The following SHMT1 variants were observed in gnomAD, a reference collection of about 807,000 sequenced individuals.
SHMT1 encodes serine hydroxymethyltransferase 1.
A neutral mutation model predicts 49.0 loss-of-function variants in SHMT1; 45 were observed. That is an observed-to-expected ratio of 0.92 (90% confidence interval 0.72 to 1.18). SHMT1 has a LOEUF of 1.18. SHMT1 is among the 50% of genes most tolerant of loss of function. SHMT1 has a pLI of 0.00. For synonymous variants in SHMT1, 232 were observed against 246.6 expected, an observed-to-expected ratio of 0.94 and a Z score of 0.55; for missense variants, 541 against 612.4, an observed-to-expected ratio of 0.88 and a Z score of 1.23.
chr17:18,337,087 C>G (rs1237494623), intron 7 of SHMT1, among the ~76,000 whole-genome samples: 1 of 147,760 alleles, frequency 6.8e-6, no homozygotes, highest in Non-Finnish European at 1.5e-5. Context: ...TAACATCTAT[C>G]TAGAGCTTCT....
intron 7 of SHMT1, among the ~76,000 whole-genome samples, chr17:18,338,443 T>G (rs1984092285): frequency 7.9e-6 from 1 of 126,418 alleles, no homozygotes; most frequent in South Asian, 2.7e-4. Flanking sequence ...TTCCAGGAGG[T>G]GGGGGGGCGC....
In SHMT1 at chr17:18,333,239, A is replaced by G; in HGVS notation, c.981T>C (p.Tyr327=). The change falls in exon 9 of 12, where the codon TAT becomes TAC. Residue 327 remains tyrosine (Y), a synonymous_variant. Coordinates refer to ENST00000316694, the MANE Select transcript of SHMT1 (RefSeq NM_004169.5). ...TGCAGTTGGCCACCACCTGGTGTTG[A>G]TAAACTTTAAATTCCAGAGTCATAG... ...KQAMTLEFKV[Y]QHQVVANCRA... is the part of the protein sequence containing the mutation. 1 of 1,613,904 alleles carries G rather than the reference A, an allele frequency of 6.2e-7. No individual in the cohort carries two copies.
In SHMT1 at chr17:18,335,623, C is replaced by G. The variant is rs781407862; in HGVS notation, c.867G>C (p.Glu289Asp). ...KTGKEILYNL[E>D]SLINSAVFPG... Reference sequence around the variant, plus strand: ...GGAACACAGCAGAATTGATAAGAGACTCCAGGTTGTACAGAATCTCTTTGC... The same window carrying G: ...GGAACACAGCAGAATTGATAAGAGAGTCCAGGTTGTACAGAATCTCTTTGC... The change falls in exon 8 of 12, where the codon GAG becomes GAC. Residue 289 changes from glutamate to aspartate, a missense_variant. Transcript: ENST00000316694. 6.2e-7 allele frequency: 1 copy of G among 1,614,150 alleles called. No individual in the cohort carries two copies. The highest frequency in any genetic ancestry group is 1.1e-5 in the South Asian group (1 of 91,082).
intron 8 of SHMT1, among the ~76,000 whole-genome samples, chr17:18,335,006 A>C (rs1983636949): frequency 6.6e-6 from 1 of 152,214 alleles, no homozygotes; most frequent in Admixed American, 6.5e-5. Flanking sequence ...GAGTGCTACC[A>C]ATGTCCTTGT....
intron 7 of SHMT1, 89 bp downstream of exon 7, chr17:18,339,954 T>G (rs1984304485): frequency 7.5e-7 from 1 of 1,331,906 alleles, no homozygotes; most frequent in African/African-American, 1.4e-5. Flanking sequence ...CAGGTCAGAG[T>G]TTTTCCCAGC....
chr17:18,358,581 C>G (rs1038975215), intron 1 of SHMT1, among the ~76,000 whole-genome samples: 1 of 152,076 alleles, frequency 6.6e-6, no homozygotes. Flanking sequence ...AAGTAATCCA[C>G]AGAGTTCCTG....
At chr17:18,351,761 A>G (rs2151597490) in intron 3 of SHMT1, among the ~76,000 whole-genome samples, 1 of 151,934 alleles carries the variant, frequency 6.6e-6, no homozygotes, top group South Asian at 2.1e-4. Flanking sequence ...TGACAGAGCG[A>G]TACTCCGTGT....
At chr17:18,348,655 T>C (rs779433597) in intron 3 of SHMT1, 1 of 674,176 alleles carries the variant, frequency 1.5e-6, no homozygotes, top group Non-Finnish European at 2.8e-6. Flanking sequence ...GCTGTGCAAC[T>C]TGGAGCAAAT....
Position 18,330,541 on chromosome 17 carries a change from AG to A in SHMT1, c.1171+13del. On this transcript the variant is annotated intron_variant, in intron 10 of 11. Transcript: ENST00000316694. ...TGGGAGAGGAGTGAAGGAGAAGGCA[AG>A]GATGATTCTCACCTGGACAGGTGTT... 6.5e-7 allele frequency: 1 copy of A among 1,549,860 alleles called. No individual in the cohort carries two copies. Among genetic ancestry groups the A allele is most frequent in the Non-Finnish European group, 8.9e-7 (1 of 1,121,252 alleles).
At chr17:18,358,288 G>A (rs573455475) in intron 1 of SHMT1, among the ~76,000 whole-genome samples, 30 of 150,648 alleles carry the variant, frequency 2.0e-4, no homozygotes, top group Non-Finnish European at 3.0e-4. Context: ...TCAGGAGATC[G>A]AGACCATCCT....
chr17:18,337,881 T>C (rs547454527), intron 7 of SHMT1, among the ~76,000 whole-genome samples: 1 of 152,170 alleles, frequency 6.6e-6, no homozygotes, highest in African/African-American at 2.4e-5. Flanking sequence ...GTGCTCAATG[T>C]TGCCCAGGCT....
intron 10 of SHMT1, 96 bp from the exon 11 acceptor site, chr17:18,329,484 C>T (rs1210221311): frequency 4.2e-6 from 4 of 941,852 alleles, no homozygotes; most frequent in Non-Finnish European, 6.7e-6. Flanking sequence ...GAGAACTGGC[C>T]TGAGGATACT....
chr17:18,348,987 A>G (rs1335886405), intron 3 of SHMT1, among the ~76,000 whole-genome samples: 1 of 148,998 alleles, frequency 6.7e-6, no homozygotes, highest in African/African-American at 2.5e-5. Context: ...AGAAAAGAAA[A>G]AGAAAAAAAA....
At chr17:18,330,907 A>G in intron 9 of SHMT1, 2 of 540,122 alleles carry the variant, frequency 3.7e-6, no homozygotes, top group Non-Finnish European at 3.4e-6. Flanking sequence ...AGGGCCTGAC[A>G]CTCCCATGGG....
At chr17:18,358,462 T>G (rs1986460237) in intron 1 of SHMT1, among the ~76,000 whole-genome samples, 1 of 151,642 alleles carries the variant, frequency 6.6e-6, no homozygotes, top group Admixed American at 6.6e-5. Flanking sequence ...CACTCCAGGC[T>G]GGCAACAGAG....
chr17:18,350,217 G>A lies in SHMT1; in HGVS notation c.243-1777C>T, dbSNP rs1388284269. 3.9e-5 allele frequency among the ~76,000 whole-genome samples: 6 copies of A among 152,206 alleles called. No individual in the cohort carries two copies. The East Asian group carries it at 1.2e-3, about 29-fold the overall frequency. ...GTGGTGGCGGGCGCCTGTAGTCCCA[G>A]CTACTCGGGAGGCTGAGGCAGGAGA... On this transcript the variant is annotated intron_variant, in intron 3 of 11. Transcript: ENST00000316694.
Position 18,347,529 on chromosome 17 carries a change from G to A in SHMT1, c.486C>T (p.Ala162=). 1.2e-6 allele frequency: 2 copies of A among 1,614,178 alleles called. No individual in the cohort carries two copies. The highest frequency in any genetic ancestry group is 1.7e-6 in the Non-Finnish European group (2 of 1,180,032). The change falls in exon 5 of 12, where the codon GCC becomes GCT. Residue 162 remains alanine (A), a synonymous_variant. Transcript: ENST00000316694. ...GCATAGATTCAAAGAAGATGGACGT[G>A]GCAGAGATTTTCTTCTTGTCTGTCA... ...GFMTDKKKIS[A]TSIFFESMPY... is the part of the protein sequence containing the mutation.
intron 1 of SHMT1, among the ~76,000 whole-genome samples, chr17:18,358,363 G>T (rs377450370): frequency 6.6e-6 from 1 of 151,820 alleles, no homozygotes; most frequent in African/African-American, 2.4e-5. Flanking sequence ...AGTGGCTCAC[G>T]CCTGTAATCC....
chr17:18,333,111 C>G (rs764997855), intron 9 of SHMT1, 55 bp downstream of exon 9: 6 of 1,608,552 alleles, frequency 3.7e-6, no homozygotes, highest in East Asian at 2.2e-5. Context: ...AACTGAGAAG[C>G]AAGCCTTAAT....
Sources: gnomAD v4.1 joint callset for allele counts (sites outside exome capture counted in the v4.1 genomes callset) on GRCh38, gnomAD v4.1.1 for gene constraint, MANE v1.5 for transcripts, NCBI Gene and HGNC (gene_info 2026-07-23, HGNC 2026-07-21) for gene names.